ITPA: variants seen among roughly 807,000 people sequenced by gnomAD.
ITPA encodes inosine triphosphate pyrophosphatase.
Under a neutral mutation model 29.6 loss-of-function variants are expected in ITPA, and 29 were observed. That is an observed-to-expected ratio of 0.98 (90% CI 0.73 to 1.34). The LOEUF is 1.34. Among genes scored for constraint, ITPA ranks in the 40% most tolerant of loss-of-function variants. ITPA has a pLI of 0.00. For synonymous variants in ITPA, 103 were observed against 99.3 expected (o/e 1.04, Z -0.22); for missense variants, 241 against 251.5 (o/e 0.96, Z 0.28).
chr20:3,213,298 T>C (rs1363516060), intron 2 of ITPA, 21 bp from the exon 3 acceptor site: 4 of 1,614,216 alleles, frequency 2.5e-6, no homozygotes, highest in Non-Finnish European at 2.5e-6. Flanking sequence ...TGACTTTCTG[T>C]GTGTCTGTTT....
chr20:3,204,420 G>C, upstream of ITPA: 11 of 1,031,590 alleles, frequency 1.1e-5, no homozygotes, highest in Non-Finnish European at 1.4e-5. Context: ...GCACGGACGC[G>C]CATGCGTCCC....
chr20:3,221,661 G>A (rs1568519270), intron 6 of ITPA, 180 bp from the exon 7 acceptor site: 8 of 679,160 alleles, frequency 1.2e-5, no homozygotes, highest in East Asian at 5.5e-5. Context: ...GAGCTGCCCC[G>A]CTCTGCTTTT....
intron 6 of ITPA, chr20:3,218,892 G>A (rs1431068720): frequency 7.4e-6 from 4 of 540,212 alleles, no homozygotes; most frequent in Non-Finnish European, 1.3e-5. Context: ...CAATGGAAGT[G>A]TTGTCAATTC....
upstream of ITPA, chr20:3,209,213 A>C (rs969756364): frequency 2.5e-6 from 1 of 392,684 alleles, no homozygotes; most frequent in South Asian, 2.1e-5. This position sits in a 1 kb window ranked among gnomAD's most constrained non-coding sequence, Gnocchi z 4.6. Context: ...ACAGGGCTGC[A>C]GTCTTCTCCT....
rs191367772 is a variant in ITPA at position 3,218,786 on chromosome 20, G to T, written c.411+154G>T. On this transcript the variant is annotated intron_variant, in intron 6 of 7. Transcript: ENST00000380113. ...CTGAGAGGCTCCCCTGCGCAGCATA[G>T]GTAGAAGTGCTGTGGATCCTAGGAG... 7.2e-5 allele frequency: 50 copies of T among 693,088 alleles called. No homozygotes were observed. The African/African-American group carries it at 7.9e-4, about 11-fold the overall frequency. 42.9% of individuals were successfully genotyped at this position (693,088 alleles called of 1,614,324 possible). A position where few individuals can be genotyped will look rare whatever the true frequency, so the allele number is the denominator to read the frequency against.
At chr20:3,211,888 A>G (rs2067184330) in intron 1 of ITPA, among the ~76,000 whole-genome samples, 1 of 152,230 alleles carries the variant, frequency 6.6e-6, no homozygotes, top group African/African-American at 2.4e-5. Context: ...AAAATAAAAT[A>G]CATGGTATTA....
chr20:3,216,471 T>G (rs6051649), intron 5 of ITPA, among the ~76,000 whole-genome samples: 3,758 of 141,432 alleles, frequency 0.027, 157 homozygotes, highest in African/African-American at 0.094. Flanking sequence ...TTTTTTTTTT[T>G]GTGACAAGTT....
At chr20:3,204,555 G>A (rs2067057590), upstream of ITPA, 1 of 1,573,490 alleles carries the variant, frequency 6.4e-7, no homozygotes, top group Non-Finnish European at 8.6e-7. Flanking sequence ...GCCCGGCCCC[G>A]GCTGCGAGTC....
At chr20:3,206,264 T>C (rs1241537825), upstream of ITPA, among the ~76,000 whole-genome samples, 2 of 149,472 alleles carry the variant, frequency 1.3e-5, no homozygotes, top group African/African-American at 2.5e-5. Context: ...GGTGGGTGCC[T>C]GTAATCCCAG....
intron 1 of ITPA, among the ~76,000 whole-genome samples, chr20:3,210,511 T>C (rs2067147387): frequency 1.3e-5 from 2 of 152,182 alleles, no homozygotes; most frequent in South Asian, 2.1e-4. Flanking sequence ...CCACTGGATA[T>C]GTCTGAGGCA....
At chr20:3,222,305 C>G (rs146700339) in intron 7 of ITPA, among the ~76,000 whole-genome samples, 461 of 152,094 alleles carry the variant, frequency 3.0e-3, no homozygotes, top group Middle Eastern at 6.8e-3. Context: ...TCACTGCACC[C>G]TCTGCCTCCC....
At chr20:3,215,196 G>A in intron 4 of ITPA, 85 bp from the exon 5 acceptor site, 1 of 1,368,836 alleles carries the variant, frequency 7.3e-7, no homozygotes, top group Non-Finnish European at 1.0e-6. Context: ...ATTTCCCCTT[G>A]GCTGTCAATA....
At chr20:3,221,770 A>G (rs1423422811) in intron 6 of ITPA, 71 bp from the exon 7 acceptor site, 28 of 1,411,430 alleles carry the variant, frequency 2.0e-5, no homozygotes, top group Non-Finnish European at 2.7e-5. Context: ...CCAAACTCAT[A>G]CTGGCCACTG....
At chr20:3,211,076 AAAGAAG>A (rs374055791) in intron 1 of ITPA, among the ~76,000 whole-genome samples, 10 of 145,034 alleles carry the variant, frequency 6.9e-5, no homozygotes, top group East Asian at 6.2e-4. Flanking sequence ...AAAAAAAAAA[AAAGAAG>A]AAGAAGAAGA....
chr20:3,208,089 A>G (rs532511952), upstream of ITPA, among the ~76,000 whole-genome samples: 1 of 152,186 alleles, frequency 6.6e-6, no homozygotes, highest in African/African-American at 2.4e-5. Flanking sequence ...AATCACACAA[A>G]TGAATATCTA....
chr20:3,208,411 T>C (rs1487869421), upstream of ITPA, among the ~76,000 whole-genome samples: 1 of 152,214 alleles, frequency 6.6e-6, no homozygotes, highest in Non-Finnish European at 1.5e-5. Flanking sequence ...GTTTTGCTCT[T>C]GTTGCCCAGG....
intron 1 of ITPA, 93 bp from the exon 2 acceptor site, chr20:3,213,076 C>T: frequency 7.7e-7 from 1 of 1,302,388 alleles, no homozygotes; most frequent in Non-Finnish European, 1.1e-6. Flanking sequence ...AGATGGGCAG[C>T]AGAGTTATCG....
chr20:3,213,444 C>T (rs1318699550), intron 3 of ITPA, 61 bp downstream of exon 3: 23 of 1,596,856 alleles, frequency 1.4e-5, no homozygotes, highest in East Asian at 4.5e-5. Flanking sequence ...CCAGGGCCTG[C>T]GCCTGCTAGA....
At chr20:3,210,640 A>G (rs552394495) in intron 1 of ITPA, among the ~76,000 whole-genome samples, 1 of 152,286 alleles carries the variant, frequency 6.6e-6, no homozygotes, top group African/African-American at 2.4e-5. Context: ...TTTTGCCGAA[A>G]AAAGGTTTGG....
Sources: gnomAD v4.1 joint callset for allele counts (sites outside exome capture counted in the v4.1 genomes callset) on GRCh38, gnomAD v4.1.1 for gene constraint, Gnocchi (gnomAD v3.1) non-coding constraint, MANE v1.5 for transcripts, NCBI Gene and HGNC (gene_info 2026-07-23, HGNC 2026-07-21) for gene names.